ACSL1: variants seen among roughly 807,000 people sequenced by gnomAD.
ACSL1 encodes the protein acyl-CoA synthetase long chain family member 1.
A neutral mutation model predicts 98.4 loss-of-function variants in ACSL1; 41 were observed. The ratio of observed to expected loss-of-function variants is 0.42; its 90% CI spans 0.32 to 0.54. The LOEUF (loss-of-function observed/expected upper bound fraction) is 0.54. ACSL1 is among the 20% of genes least tolerant of loss of function. ACSL1 has a pLI of 0.13. For synonymous variants in ACSL1, 316 were observed against 322.7 expected (o/e 0.98, Z 0.22); for missense variants, 734 against 883.1 (o/e 0.83, Z 2.14).
chr4:184,766,547 C>A lies in ACSL1; in HGVS notation c.1263+75G>T. The A allele has an allele frequency of 6.5e-7, 1 of 1,546,630 alleles. No homozygotes were observed. Among genetic ancestry groups the A allele is most frequent in the Non-Finnish European group, 8.8e-7 (1 of 1,141,036 alleles). Reference sequence around the variant, plus strand: ...CCCTTACCTTCATCTCTCCCTCTCACAAAAAAGGCCCTCCCAGAACTCTGA... The same window carrying A: ...CCCTTACCTTCATCTCTCCCTCTCAAAAAAAAGGCCCTCCCAGAACTCTGA... On this transcript the variant is annotated intron_variant, in intron 13 of 20. Transcript: ENST00000281455. This position sits in a 1 kb window ranked among gnomAD's most constrained non-coding sequence, Gnocchi z 4.8.
At position 184,756,050 on chromosome 4, in the gene ACSL1, T is replaced by C. The variant is rs904600398; in HGVS notation, c.*1075A>G. Reference sequence around the variant, plus strand: ...ACATTTCATAGAAATCAGGTAGCATTATAAGAACATTTGCTTATTACTGTC... The same window carrying C: ...ACATTTCATAGAAATCAGGTAGCATCATAAGAACATTTGCTTATTACTGTC... On this transcript the variant is annotated 3_prime_UTR_variant, in exon 21 of 21. Coordinates refer to ENST00000281455, the MANE Select transcript of ACSL1 (RefSeq NM_001995.5). 6.6e-6 allele frequency: 1 copy of C among 152,294 alleles called. No individual in the cohort carries two copies. The highest frequency in any genetic ancestry group is 2.4e-5 in the African/African-American group (1 of 41,462). The allele number at this position is 152,294 out of a possible 1,614,324, so 9.4% of individuals were successfully genotyped here. A position where few individuals can be genotyped will look rare whatever the true frequency, so the allele number is the denominator to read the frequency against.
At chr4:184,770,851 T>C (rs574477725) in intron 10 of ACSL1, among the ~76,000 whole-genome samples, 1 of 152,162 alleles carries the variant, frequency 6.6e-6, no homozygotes, top group Admixed American at 6.5e-5. Context: ...ACAAGGGGCA[T>C]GGTGGCTCAC....
intron 1 of ACSL1, among the ~76,000 whole-genome samples, chr4:184,821,492 TTTCTCTTTCCAA>T (rs1773068363): frequency 6.6e-6 from 1 of 152,362 alleles, no homozygotes; most frequent in African/African-American, 2.4e-5. Flanking sequence ...CTTCTTTCCA[TTTCTCTTTCCAA>T]ACCATGAAAT....
At chr4:184,781,089 C>T (rs1029826772) in intron 4 of ACSL1, among the ~76,000 whole-genome samples, 35 of 152,046 alleles carry the variant, frequency 2.3e-4, no homozygotes, top group Non-Finnish European at 4.7e-4. Flanking sequence ...AAAAAATTAG[C>T]CAGGCATGGT....
At chr4:184,768,970 G>A (rs1157245227) in intron 11 of ACSL1, among the ~76,000 whole-genome samples, 2 of 152,068 alleles carry the variant, frequency 1.3e-5, no homozygotes, top group Admixed American at 6.6e-5. Context: ...TCAGGAGGCT[G>A]AGGCTGGAGA....
chr4:184,794,617 G>T (rs932911697), intron 2 of ACSL1, among the ~76,000 whole-genome samples: 4 of 152,156 alleles, frequency 2.6e-5, no homozygotes, highest in Non-Finnish European at 5.9e-5. Context: ...GCTCAGACTT[G>T]GGGGGGCTGC....
chr4:184,813,727 CA>C (rs975467465), intron 1 of ACSL1: 4 of 409,578 alleles, frequency 9.8e-6, no homozygotes, highest in African/African-American at 4.1e-5. Context: ...CAGCTAACCA[CA>C]AAGTAAGCCC....
chr4:184,785,972 G>A (rs1767221245), intron 3 of ACSL1, among the ~76,000 whole-genome samples: 1 of 152,126 alleles, frequency 6.6e-6, no homozygotes. Context: ...GTGAACTGGT[G>A]CATCTCTACG....
intron 7 of ACSL1, 41 bp downstream of exon 7, chr4:184,776,443 A>G: frequency 2.5e-6 from 4 of 1,589,496 alleles, no homozygotes; most frequent in Non-Finnish European, 3.4e-6. Flanking sequence ...ACACGGCCCC[A>G]GGGAAAGCCT....
At chr4:184,776,711 A>G (rs374151349) in intron 6 of ACSL1, 49 bp from the exon 7 acceptor site, 1 of 1,578,038 alleles carries the variant, frequency 6.3e-7, no homozygotes, top group Non-Finnish European at 8.6e-7. Context: ...ATGTTAAAAG[A>G]TTCACTCTGT....
chr4:184,823,208 C>T (rs1047118517), intron 1 of ACSL1, among the ~76,000 whole-genome samples: 2 of 152,180 alleles, frequency 1.3e-5, no homozygotes, highest in Non-Finnish European at 2.9e-5. Flanking sequence ...GTCAGATCAC[C>T]GCCTGTCAGA....
At chr4:184,778,910 C>A (rs892502378) in intron 5 of ACSL1, among the ~76,000 whole-genome samples, 1 of 151,616 alleles carries the variant, frequency 6.6e-6, no homozygotes, top group African/African-American at 2.4e-5. Flanking sequence ...CCTTGAAAGA[C>A]CACAAAACTC....
intron 1 of ACSL1, chr4:184,805,605 C>T (rs1387372650): frequency 2.7e-5 from 22 of 817,010 alleles, no homozygotes; most frequent in East Asian, 1.2e-4. Flanking sequence ...TGGAAGTGGG[C>T]GGGGGTTAGC....
intron 3 of ACSL1, among the ~76,000 whole-genome samples, chr4:184,785,811 G>GCAT (rs1357023224): frequency 1.8e-4 from 27 of 152,314 alleles, no homozygotes; most frequent in African/African-American, 6.3e-4. Context: ...CATAAAGTAA[G>GCAT]TCACCATGCT....
intron 2 of ACSL1, among the ~76,000 whole-genome samples, chr4:184,796,794 G>A (rs1029570065): frequency 2.0e-5 from 3 of 152,114 alleles, no homozygotes; most frequent in Admixed American, 6.5e-5. Context: ...TGAGAATTAG[G>A]TTTACATTTA....
intron 1 of ACSL1, chr4:184,815,225 G>A (rs1170687157): frequency 1.0e-5 from 4 of 382,804 alleles, no homozygotes; most frequent in Non-Finnish European, 1.6e-5. Flanking sequence ...GCAGAGACAG[G>A]AGTGGGTGGA....
intron 1 of ACSL1, among the ~76,000 whole-genome samples, chr4:184,813,262 G>C (rs999839400): frequency 1.3e-5 from 2 of 152,146 alleles, no homozygotes; most frequent in Non-Finnish European, 2.9e-5. Flanking sequence ...TGAGAAGAAA[G>C]ATGATTCCAC....
At chr4:184,761,460 T>C (rs911632376) in intron 17 of ACSL1, among the ~76,000 whole-genome samples, 2 of 152,198 alleles carry the variant, frequency 1.3e-5, no homozygotes, top group Non-Finnish European at 2.9e-5. Context: ...ATCAGCATCA[T>C]AATAACTTCG....
At chr4:184,782,826 C>T (rs931881821) in intron 4 of ACSL1, among the ~76,000 whole-genome samples, 2 of 152,114 alleles carry the variant, frequency 1.3e-5, no homozygotes, top group Admixed American at 1.3e-4. Flanking sequence ...CCCCAGAGGA[C>T]GGACGGGGAG....
Sources: gnomAD v4.1 joint callset for allele counts (sites outside exome capture counted in the v4.1 genomes callset) on GRCh38, gnomAD v4.1.1 for gene constraint, Gnocchi (gnomAD v3.1) non-coding constraint, MANE v1.5 for transcripts, NCBI Gene and HGNC (gene_info 2026-07-23, HGNC 2026-07-21) for gene names.